Variants in DOCK8 observed in about 807,000 individuals in gnomAD.
The protein encoded by DOCK8 is dedicator of cytokinesis 8, also known as dedicator of cytokinesis protein 8.
A neutral mutation model predicts 245.6 loss-of-function variants in DOCK8; 141 were observed. The ratio of observed to expected loss-of-function variants is 0.57; its 90% CI spans 0.50 to 0.66. The LOEUF (loss-of-function observed/expected upper bound fraction) is 0.66. Among genes scored for constraint, DOCK8 ranks in the 30% least tolerant of loss-of-function variants. The pLI is 0.00. For missense variants in DOCK8, 2,965 were observed against 2,603.4 expected, an observed-to-expected ratio of 1.14 and a Z score of -3.02; for synonymous variants, 1,168 against 970.2, an observed-to-expected ratio of 1.20 and a Z score of -3.79.
intron 14 of DOCK8, among the ~76,000 whole-genome samples, chr9:367,557 A>G (rs2053069373): frequency 6.6e-6 from 1 of 152,222 alleles, no homozygotes; most frequent in Non-Finnish European, 1.5e-5. Flanking sequence ...CTTAGATAAG[A>G]ACAGAAAGCT....
chr9:224,254 T>G (rs1159088575), intron 1 of DOCK8, among the ~76,000 whole-genome samples: 1 of 152,094 alleles, frequency 6.6e-6, no homozygotes, highest in Non-Finnish European at 1.5e-5. Flanking sequence ...ACCAGGAAAT[T>G]TTTCAAAAAG....
At chr9:211,937 T>G (rs937620694), upstream of DOCK8, among the ~76,000 whole-genome samples, 2 of 152,022 alleles carry the variant, frequency 1.3e-5, no homozygotes, top group African/African-American at 4.8e-5. Context: ...TAGCTTCCAG[T>G]TAAGTAGGGT....
chr9:375,071 T>C (rs2053462949), intron 18 of DOCK8, among the ~76,000 whole-genome samples: 1 of 152,200 alleles, frequency 6.6e-6, no homozygotes, highest in South Asian at 2.1e-4. Flanking sequence ...CAGTCTTTTA[T>C]AGGAAATTTT....
Position 336,775 on chromosome 9 carries a change from G to C in DOCK8, c.1422+57G>C, listed in dbSNP as rs553580945. ...TTTCCCCATACTGGCATGGGCACTGGAACCCACAGGAGGAGGATACGTAGT... is the reference window on the plus strand; with the variant it reads ...TTTCCCCATACTGGCATGGGCACTGCAACCCACAGGAGGAGGATACGTAGT... On this transcript the variant is annotated intron_variant, in intron 12 of 47. Coordinates refer to ENST00000432829, the MANE Select transcript of DOCK8 (RefSeq NM_203447.4). 65 of 1,604,738 alleles carry C rather than the reference G, an allele frequency of 4.1e-5. No individual in the cohort carries two copies. The East Asian group carries it at 1.4e-3, about 34-fold the overall frequency.
intron 7 of DOCK8, among the ~76,000 whole-genome samples, chr9:320,043 C>T (rs1008270059): frequency 6.6e-6 from 1 of 152,228 alleles, no homozygotes; most frequent in South Asian, 2.1e-4. Context: ...TGCATGCTGG[C>T]TAACTTCTTT....
upstream of DOCK8, chr9:212,966 C>G (rs549706197): frequency 2.6e-5 from 4 of 152,264 alleles, no homozygotes; most frequent in African/African-American, 7.2e-5. Context: ...GCCTCTGGGG[C>G]AAAATGTTTT....
chr9:286,617 C>G lies in DOCK8; in HGVS notation c.313C>G (p.Pro105Ala), dbSNP rs756344239. Residue 105 changes from proline (P) to alanine (A), a missense_variant, in exon 3 of 48, where the codon CCC becomes GCC. Physicochemically the swap from Pro to Ala is conservative, Grantham distance 27 (BLOSUM62 -1). Around this residue, in one of 3 missense-constraint regions of DOCK8, gnomAD observed 2,825 missense variants for 2,453.5 expected, o/e 1.15. Coordinates refer to ENST00000432829, the MANE Select transcript of DOCK8 (RefSeq NM_203447.4). ...FTPKECRTLQ[P>A]SLPEEGVELD... Reference sequence around the variant, plus strand: ...GCCAAAGGAATGTAGGACTTTGCAGCCCTCTTTGCCGGAGGAAGGGTAAAT... The same window carrying G: ...GCCAAAGGAATGTAGGACTTTGCAGGCCTCTTTGCCGGAGGAAGGGTAAAT... 8.1e-6 allele frequency: 13 copies of G among 1,613,786 alleles called. No individual in the cohort carries two copies. The highest frequency in any genetic ancestry group is 1.0e-5 in the Non-Finnish European group (12 of 1,179,852).
chr9:408,899 CGT>C (rs2055571529), intron 28 of DOCK8, among the ~76,000 whole-genome samples: 3 of 118,474 alleles, frequency 2.5e-5, no homozygotes, highest in East Asian at 2.7e-4. Context: ...CACACACGCG[CGT>C]GCACATGCAC....
At chr9:247,536 TTTTG>T (rs1023143871) in intron 1 of DOCK8, among the ~76,000 whole-genome samples, 21 of 152,138 alleles carry the variant, frequency 1.4e-4, no homozygotes, top group South Asian at 4.1e-4. Context: ...CATTATTCTT[TTTTG>T]TTTGTTTGTT....
At chr9:232,817 A>G (rs909950426) in intron 1 of DOCK8, among the ~76,000 whole-genome samples, 4 of 152,052 alleles carry the variant, frequency 2.6e-5, no homozygotes, top group Admixed American at 2.0e-4. Flanking sequence ...CTAGCGGTCT[A>G]TCAATTTTGT....
chr9:229,678 G>A (rs16923579), intron 1 of DOCK8, among the ~76,000 whole-genome samples: 9,978 of 152,080 alleles, frequency 0.066, 328 homozygotes, highest in African/African-American at 0.08. Context: ...TCTAGTGTTA[G>A]TTCTGGAATG....
chr9:403,980 A>ATATATATATGTGTG (rs2055291642), intron 26 of DOCK8, among the ~76,000 whole-genome samples: 1 of 78,124 alleles, frequency 1.3e-5, no homozygotes, highest in Non-Finnish European at 2.2e-5. Context: ...ATATATGTGT[A>ATATATATATGTGTG]TATATATATA....
rs144852439 is a variant in DOCK8, at chr9:309,051, A to G, written c.529-2903A>G. Among the ~76,000 whole-genome samples the G allele has an allele frequency of 4.2e-3, 644 of 152,252 alleles. 24 individuals carry two copies. The highest frequency in any genetic ancestry group is 0.037 in the Admixed American group (563 of 15,284). Reference sequence around the variant, plus strand: ...TTTTGGGGGCATTTAGTTTACTTCTATTGTTTTGCTATCACGAACAGTGTT... The same window carrying G: ...TTTTGGGGGCATTTAGTTTACTTCTGTTGTTTTGCTATCACGAACAGTGTT... On this transcript the variant is annotated intron_variant, in intron 5 of 47. Coordinates refer to ENST00000432829, the MANE Select transcript of DOCK8 (RefSeq NM_203447.4).
At position 433,342 on chromosome 9, in the gene DOCK8, G is replaced by A. The variant is rs572009403; in HGVS notation, c.4786-533G>A. On this transcript the variant is annotated intron_variant, in intron 37 of 47. Coordinates refer to ENST00000432829, the MANE Select transcript of DOCK8 (RefSeq NM_203447.4). Reference sequence around the variant, plus strand: ...ATTCTGTGGCTGAGTTACCTGCCAGGGTCTCTAGATCAAGCCATAGTCTCT... The same window carrying A: ...ATTCTGTGGCTGAGTTACCTGCCAGAGTCTCTAGATCAAGCCATAGTCTCT... Among the ~76,000 whole-genome samples the A allele has an allele frequency of 1.1e-4, 17 of 152,236 alleles. No homozygotes were observed. In the South Asian group the frequency reaches 3.3e-3, roughly 30 times the overall value.
intron 1 of DOCK8, among the ~76,000 whole-genome samples, chr9:238,163 C>T (rs915382687): frequency 6.6e-6 from 1 of 152,204 alleles, no homozygotes; most frequent in African/African-American, 2.4e-5. Context: ...AATAACAATG[C>T]ACAGAGCCAT....
Position 371,456 on chromosome 9 carries a change from A to G in DOCK8, c.1897A>G (p.Ile633Val), listed in dbSNP as rs141657408. ...TCCTGACTTTTATGAAGAAGTGAAA[A>G]TTAAGCTCCCCGCTAAGCTCACAGT... ...KSPDFYEEVK[I>V]KLPAKLTVNH... Residue 633 changes from isoleucine (I) to valine (V), a missense_variant, in exon 17 of 48, where the codon ATT (isoleucine) becomes GTT (valine). Coordinates refer to ENST00000432829, the MANE Select transcript of DOCK8 (RefSeq NM_203447.4). 3.1e-6 allele frequency: 5 copies of G among 1,614,196 alleles called. No individual in the cohort carries two copies. Among genetic ancestry groups the G allele is most frequent in the Non-Finnish European group, 4.2e-6 (5 of 1,180,016 alleles).
intron 1 of DOCK8, among the ~76,000 whole-genome samples, chr9:220,486 G>T (rs1298631238): frequency 3.9e-5 from 6 of 152,138 alleles, no homozygotes; most frequent in Non-Finnish European, 5.9e-5. Flanking sequence ...CATAAAGGTA[G>T]TGATGGAATG....
At chr9:303,969 C>T (rs759427617) in intron 4 of DOCK8, among the ~76,000 whole-genome samples, 30 of 152,244 alleles carry the variant, frequency 2.0e-4, no homozygotes, top group Admixed American at 2.0e-4. Context: ...ACATGTTTTA[C>T]CTTTCTTATG....
At chr9:237,388 C>G (rs1418884534) in intron 1 of DOCK8, among the ~76,000 whole-genome samples, 1 of 152,246 alleles carries the variant, frequency 6.6e-6, no homozygotes, top group Non-Finnish European at 1.5e-5. Flanking sequence ...GGTGCTGTGG[C>G]TTACGCCTGT....
Sources: allele counts gnomAD v4.1 joint callset (sites outside exome capture counted in the v4.1 genomes callset), GRCh38; gene constraint gnomAD v4.1.1; regional missense constraint gnomAD v4.1.1; transcripts MANE v1.5; gene names NCBI Gene and HGNC (gene_info 2026-07-23, HGNC 2026-07-21).